ADAMTS9: variants seen among roughly 807,000 people sequenced by gnomAD.
ADAMTS9 encodes A disintegrin and metalloproteinase with thrombospondin motifs 9.
ADAMTS9 carries 107 observed loss-of-function variants against 257.1 expected under a neutral mutation model. The observed-to-expected ratio is 0.42, with a 90% confidence interval of 0.36 to 0.49. The LOEUF (loss-of-function observed/expected upper bound fraction) is 0.49. ADAMTS9 is among the 20% of genes least tolerant of loss of function. ADAMTS9 has a pLI of 0.03. For synonymous variants in ADAMTS9, 982 were observed against 880.9 expected, an observed-to-expected ratio of 1.11 and a Z score of -2.03; for missense variants, 2,353 against 2,469.1, an observed-to-expected ratio of 0.95 and a Z score of 1.00.
intron 39 of ADAMTS9, among the ~76,000 whole-genome samples, chr3:64,517,768 A>C (rs942828841): frequency 1.3e-5 from 2 of 152,086 alleles, no homozygotes; most frequent in Admixed American, 1.3e-4. Context: ...GCTATATAAA[A>C]TTTATCTTCT....
intron 19 of ADAMTS9, among the ~76,000 whole-genome samples, chr3:64,617,648 T>C (rs1483150961): frequency 6.6e-6 from 1 of 152,150 alleles, no homozygotes; most frequent in Non-Finnish European, 1.5e-5. Context: ...AGTGTAAGCC[T>C]GTGTGTTTTT....
chr3:64,561,793 ATT>A, intron 29 of ADAMTS9, 42 bp from the exon 30 acceptor site: 1 of 746,282 alleles, frequency 1.3e-6, no homozygotes. Context: ...CGGCTCATTT[ATT>A]TTTTGGGGGG....
intron 30 of ADAMTS9, among the ~76,000 whole-genome samples, chr3:64,555,409 T>A (rs2083320724): frequency 6.6e-6 from 1 of 152,146 alleles, no homozygotes; most frequent in Non-Finnish European, 1.5e-5. Flanking sequence ...TATTTTACAA[T>A]GAGCCAAGGT....
At chr3:64,673,366 T>C (rs1701537274) in intron 3 of ADAMTS9, among the ~76,000 whole-genome samples, 1 of 152,206 alleles carries the variant, frequency 6.6e-6, no homozygotes. Flanking sequence ...CCTTGCAGAC[T>C]GGCCTTGCTT....
chr3:64,618,834 C>T (rs1316844567), intron 19 of ADAMTS9, among the ~76,000 whole-genome samples: 1 of 152,078 alleles, frequency 6.6e-6, no homozygotes, highest in Non-Finnish European at 1.5e-5. Context: ...CATCATTTTA[C>T]ACAAAAACTC....
chr3:64,568,304 A>C, intron 29 of ADAMTS9, 64 bp downstream of exon 29: 1 of 1,536,254 alleles, frequency 6.5e-7, no homozygotes, highest in Non-Finnish European at 8.7e-7. Context: ...ACAAGTGAAC[A>C]CACTGGGGTC....
At chr3:64,517,422 T>TTTTTTTTTTTTTTTTG (rs2082792333) in intron 39 of ADAMTS9, among the ~76,000 whole-genome samples, 1 of 122,878 alleles carries the variant, frequency 8.1e-6, no homozygotes, top group Admixed American at 8.5e-5. Context: ...AATGGTTTTT[T>TTTTTTTTTTTTTTTTG]TTTTTTTTTT....
chr3:64,547,555 C>T (rs1387171209), intron 31 of ADAMTS9, among the ~76,000 whole-genome samples: 1 of 125,456 alleles, frequency 8.0e-6, no homozygotes, highest in African/African-American at 3.0e-5. Context: ...CTCTGTTGTC[C>T]AGGCTGGAGT....
At chr3:64,622,116 A>C in intron 18 of ADAMTS9, 82 bp downstream of exon 18, 1 of 1,405,458 alleles carries the variant, frequency 7.1e-7, no homozygotes, top group African/African-American at 1.5e-5. Flanking sequence ...TGCAGTTTGC[A>C]TGCATTTGGC....
At chr3:64,666,882 T>G (rs1701364496) in intron 3 of ADAMTS9, among the ~76,000 whole-genome samples, 1 of 152,140 alleles carries the variant, frequency 6.6e-6, no homozygotes, top group South Asian at 2.1e-4. Flanking sequence ...GTGCAGTGGA[T>G]CCTCCTGTAA....
At chr3:64,600,349 C>A (rs948964035) in intron 26 of ADAMTS9, among the ~76,000 whole-genome samples, 3 of 152,214 alleles carry the variant, frequency 2.0e-5, no homozygotes, top group Non-Finnish European at 4.4e-5. Flanking sequence ...TTCAGCCTCA[C>A]TTAACGTAGG....
rs996470742 is a variant in ADAMTS9, at chr3:64,633,998, C to G, written c.1857-119G>C. The G allele has an allele frequency of 3.4e-5, 31 of 920,774 alleles. No homozygotes were observed. In the African/African-American group the frequency reaches 4.3e-4, roughly 13 times the overall value. 57.0% of individuals were successfully genotyped at this position (920,774 alleles called of 1,614,324 possible). A position where few individuals can be genotyped will look rare whatever the true frequency, so the allele number is the denominator to read the frequency against. ...GAAGTAAATCTAGGGTGGCAAATGA[C>G]AGAGGAATGGGCAAGAGCTCTGATC... is the stretch of plus-strand genomic sequence containing the variant. On this transcript the variant is annotated intron_variant, in intron 12 of 39. Coordinates refer to ENST00000498707, the MANE Select transcript of ADAMTS9 (RefSeq NM_182920.2).
At chr3:64,526,502 C>T (rs1424827699) in intron 38 of ADAMTS9, among the ~76,000 whole-genome samples, 2 of 152,164 alleles carry the variant, frequency 1.3e-5, no homozygotes, top group Non-Finnish European at 1.5e-5. Flanking sequence ...CTGGAGCTGG[C>T]CCATACCACC....
In ADAMTS9 at chr3:64,541,197, C is replaced by A; in HGVS notation, c.5419G>T (p.Gly1807Trp). ...CATTGGCAGTCATCGCGCCGGCTCC[C>A]GTTATAGGGACATTCTGTTGGGTTG... ...LHNPTECPYN[G>W]SRRDDCQCRK... Residue 1807 changes from glycine to tryptophan, a missense_variant, in exon 36 of 40, where the codon GGG becomes TGG. Gly to Trp is a radical substitution (Grantham distance 184). Transcript: ENST00000498707. 3 of 1,614,172 alleles carry A rather than the reference C, an allele frequency of 1.9e-6. No homozygotes were observed. Among genetic ancestry groups the A allele is most frequent in the Non-Finnish European group, 2.5e-6 (3 of 1,180,022 alleles).
In ADAMTS9 at chr3:64,604,017, C is replaced by T. The variant is rs2084512331; in HGVS notation, c.3652G>A (p.Asp1218Asn). ...SCRDENGSVA[D>N]ESACATLPRP... ...GGCAGGGTAGCACAGGCACTCTCGT[C>T]AGCCACAGAGCCATTCTCATCTCGG... Residue 1218 changes from aspartate (D) to asparagine (N), a missense_variant, in exon 25 of 40, where the codon GAC (aspartate) becomes AAC (asparagine). Transcript: ENST00000498707. The T allele has an allele frequency of 1.9e-6, 3 of 1,614,106 alleles. No individual in the cohort carries two copies. The highest frequency in any genetic ancestry group is 1.7e-6 in the Non-Finnish European group (2 of 1,179,998).
chr3:64,615,198 G>A, intron 21 of ADAMTS9, 123 bp downstream of exon 21: 3 of 1,168,018 alleles, frequency 2.6e-6, no homozygotes, highest in South Asian at 1.5e-5. Context: ...TTTCTCAAGG[G>A]AGACAAGGGA....
chr3:64,659,488 AAAAAG>A (rs1402430065), intron 3 of ADAMTS9, among the ~76,000 whole-genome samples: 1 of 152,020 alleles, frequency 6.6e-6, no homozygotes, highest in Admixed American at 6.6e-5. Context: ...AAAAAAAAAA[AAAAAG>A]GAAATGTTTC....
At chr3:64,525,854 G>C (rs2082903345) in intron 38 of ADAMTS9, among the ~76,000 whole-genome samples, 1 of 151,216 alleles carries the variant, frequency 6.6e-6, no homozygotes, top group African/African-American at 2.4e-5. Context: ...CAACCGATCT[G>C]CTGAGATTAC....
intron 38 of ADAMTS9, 63 bp from the exon 39 acceptor site, chr3:64,522,323 C>G: frequency 2.7e-6 from 4 of 1,473,754 alleles, no homozygotes; most frequent in South Asian, 1.1e-5. Flanking sequence ...CCTGCACTGG[C>G]TTTTTGGGAA....
Sources: gnomAD v4.1 joint callset for allele counts (sites outside exome capture counted in the v4.1 genomes callset) on GRCh38, gnomAD v4.1.1 for gene constraint, MANE v1.5 for transcripts, NCBI Gene and HGNC (gene_info 2026-07-23, HGNC 2026-07-21) for gene names.